Variants in PATJ observed in about 807,000 individuals in gnomAD.
PATJ encodes PATJ crumbs cell polarity complex component.
PATJ carries 190 observed loss-of-function variants against 224.9 expected under a neutral mutation model. The observed-to-expected ratio is 0.84, with a 90% CI of 0.75 to 0.95. The LOEUF (loss-of-function observed/expected upper bound fraction) is 0.95, where lower values mean the gene tolerates loss of function less well. Among genes scored for constraint, PATJ ranks in the 40% least tolerant of loss-of-function variants. The probability of loss-of-function intolerance (pLI) is 0.00; values close to 1 mark genes in which losing one functional copy is unlikely to be tolerated. For synonymous variants in PATJ, 769 were observed against 820.3 expected, an observed-to-expected ratio of 0.94 and a Z score of 1.07; for missense variants, 2,121 against 2,270.3, an observed-to-expected ratio of 0.93 and a Z score of 1.34.
intron 22 of PATJ, among the ~76,000 whole-genome samples, chr1:61,887,694 A>G (rs1320261062): frequency 2.6e-5 from 4 of 152,102 alleles, no homozygotes; most frequent in Non-Finnish European, 5.9e-5. Flanking sequence ...AGCAGATTCC[A>G]TGCAGCATGA....
chr1:62,076,398 T>C (rs1412830673), intron 31 of PATJ, among the ~76,000 whole-genome samples: 6 of 152,162 alleles, frequency 3.9e-5, no homozygotes, highest in South Asian at 4.1e-4. Context: ...GGATGACCTA[T>C]AAAGTCCATC....
chr1:61,772,106 GTTT>G (rs753366748), intron 6 of PATJ, among the ~76,000 whole-genome samples: 1 of 115,344 alleles, frequency 8.7e-6, no homozygotes, highest in Admixed American at 9.7e-5. Context: ...CATGACGGTC[GTTT>G]TTTTTTTTTT....
chr1:61,895,060 G>C (rs963126154), intron 22 of PATJ, among the ~76,000 whole-genome samples: 1 of 152,190 alleles, frequency 6.6e-6, no homozygotes, highest in Non-Finnish European at 1.5e-5. Context: ...ACTTGAGAGA[G>C]ATGATTTAGG....
chr1:62,125,947 T>C (rs1477003094), intron 39 of PATJ, among the ~76,000 whole-genome samples: 1 of 152,188 alleles, frequency 6.6e-6, no homozygotes, highest in Non-Finnish European at 1.5e-5. Context: ...TTTTTTGTAT[T>C]TTCAGTAGAG....
At chr1:61,751,404 A>G (rs577281356) in intron 1 of PATJ, among the ~76,000 whole-genome samples, 1 of 152,310 alleles carries the variant, frequency 6.6e-6, no homozygotes, top group Non-Finnish European at 1.5e-5. Context: ...ATTAGTGAAT[A>G]GTATGAATGC....
chr1:61,894,480 C>T (rs1163125964), intron 22 of PATJ, among the ~76,000 whole-genome samples: 1 of 152,044 alleles, frequency 6.6e-6, no homozygotes, highest in African/African-American at 2.4e-5. Flanking sequence ...CCATGCTGTT[C>T]TCATGATAGT....
intron 18 of PATJ, among the ~76,000 whole-genome samples, chr1:61,859,664 G>C (rs1449069436): frequency 6.6e-6 from 1 of 151,950 alleles, no homozygotes; most frequent in Admixed American, 6.6e-5. Context: ...TGTTGCCCAG[G>C]CTGGAGTGCA....
Position 61,801,773 on chromosome 1 carries a change from G to C in PATJ, c.1549+4G>C. 6.5e-7 allele frequency: 1 copy of C among 1,550,112 alleles called. No individual in the cohort carries two copies. Among genetic ancestry groups the C allele is most frequent in the Non-Finnish European group, 8.7e-7 (1 of 1,145,452 alleles). ...ATACAAGCCTTAGAAAAATTGGGTA[G>C]GCACAAAGCATTCACTTTGCGATAA... On this transcript the variant is annotated splice_donor_region_variant and intron_variant, in intron 12 of 43. Transcript: ENST00000642238.
At chr1:61,819,337 A>G (rs1018391301) in intron 14 of PATJ, among the ~76,000 whole-genome samples, 1 of 152,340 alleles carries the variant, frequency 6.6e-6, no homozygotes, top group Non-Finnish European at 1.5e-5. Context: ...TGCCTATCAT[A>G]TCAGGACTGT....
At position 61,791,262 on chromosome 1, in the gene PATJ, A is replaced by G. The variant is rs116831460; in HGVS notation, c.1069-86A>G. 1.3e-3 allele frequency: 925 copies of G among 731,992 alleles called. 9 individuals carry two copies. In the African/African-American group the frequency reaches 0.015, roughly 12 times the overall value. 45.3% of individuals were successfully genotyped at this position (731,992 alleles called of 1,614,324 possible). On this transcript the variant is annotated intron_variant, in intron 8 of 43. Transcript: ENST00000642238. ...TCTGCCTGCCATAGATGCTAAGAAA[A>G]TACTTGACAAACCTTGCACAGATTG...
chr1:62,124,029 A>G (rs144531450), intron 39 of PATJ, among the ~76,000 whole-genome samples: 1 of 151,960 alleles, frequency 6.6e-6, no homozygotes, highest in Non-Finnish European at 1.5e-5. Flanking sequence ...AATTTGTCGA[A>G]CCCTGATTTT....
At position 61,779,094 on chromosome 1, in the gene PATJ, T is replaced by A. The variant is rs192123374; in HGVS notation, c.849+3760T>A. Among the ~76,000 whole-genome samples the A allele has an allele frequency of 4.6e-5, 7 of 152,334 alleles. No homozygotes were observed. The East Asian group carries it at 1.3e-3, about 29-fold the overall frequency. ...TTAACATACTAAATATTAAATATTT[T>A]AAAAATTCCTCAGTACCAATTTTTG... On this transcript the variant is annotated intron_variant, in intron 7 of 43. Coordinates refer to ENST00000642238, the MANE Select transcript of PATJ (RefSeq NM_001350145.3).
chr1:61,792,115 G>A (rs1200770049), intron 9 of PATJ, among the ~76,000 whole-genome samples: 3 of 152,038 alleles, frequency 2.0e-5, no homozygotes, highest in Non-Finnish European at 1.5e-5. Context: ...AGATTACAGA[G>A]TTCATTTCCT....
chr1:62,046,625 C>G (rs1431932384), intron 30 of PATJ, among the ~76,000 whole-genome samples: 1 of 152,098 alleles, frequency 6.6e-6, no homozygotes, highest in Non-Finnish European at 1.5e-5. Flanking sequence ...CTTTCAGTCC[C>G]GTCAGGGAGA....
Position 61,938,249 on chromosome 1 carries a change from A to C in PATJ, c.3670+10420A>C, listed in dbSNP as rs540362949. ...TAAGTGGATGGGGGATTCTACTGTC[A>C]TTGATTGGTTGGGGTATCAAGGTAT... On this transcript the variant is annotated intron_variant, in intron 27 of 43. Coordinates refer to ENST00000642238, the MANE Select transcript of PATJ (RefSeq NM_001350145.3). 1.1e-4 allele frequency among the ~76,000 whole-genome samples: 16 copies of C among 152,300 alleles called. No individual in the cohort carries two copies. The South Asian group carries it at 3.3e-3, about 32-fold the overall frequency.
At chr1:61,864,676 T>G in intron 20 of PATJ, 43 bp downstream of exon 20, 1 of 1,510,642 alleles carries the variant, frequency 6.6e-7, no homozygotes, top group South Asian at 1.2e-5. Flanking sequence ...CCTTCTGCTC[T>G]CCTCGCCTGT....
At chr1:61,840,645 G>A (rs1660936941) in intron 17 of PATJ, among the ~76,000 whole-genome samples, 1 of 151,828 alleles carries the variant, frequency 6.6e-6, no homozygotes, top group Admixed American at 6.6e-5. Context: ...TATTGTTGAT[G>A]TACAATAATT....
intron 27 of PATJ, among the ~76,000 whole-genome samples, chr1:61,932,458 A>G (rs1676171191): frequency 1.3e-5 from 2 of 152,214 alleles, no homozygotes; most frequent in Non-Finnish European, 2.9e-5. Flanking sequence ...TGTTTATGAG[A>G]GAAAGGTGTT....
At chr1:62,155,745 G>A (rs1669121301) in intron 43 of PATJ, among the ~76,000 whole-genome samples, 1 of 150,566 alleles carries the variant, frequency 6.6e-6, no homozygotes, top group Non-Finnish European at 1.5e-5. Flanking sequence ...GGCCCACTTA[G>A]CGCAGTCAGT....
Sources: gnomAD v4.1 joint callset for allele counts (sites outside exome capture counted in the v4.1 genomes callset) on GRCh38, gnomAD v4.1.1 for gene constraint, MANE v1.5 for transcripts, NCBI Gene and HGNC (gene_info 2026-07-23, HGNC 2026-07-21) for gene names.